Variants in MRAP2 observed in about 807,000 individuals in gnomAD.
MRAP2 encodes melanocortin-2 receptor accessory protein 2.
Under a neutral mutation model 17.4 loss-of-function variants are expected in MRAP2, and 20 were observed. The observed-to-expected ratio is 1.15, with a 90% CI of 0.81 to 1.67. The LOEUF is 1.67. Among genes scored for constraint, MRAP2 ranks in the 40% most tolerant of loss-of-function variants. The pLI, the probability that MRAP2 is intolerant of heterozygous loss-of-function variation, is 0.00. For synonymous variants in MRAP2, 96 were observed against 88.4 expected, an observed-to-expected ratio of 1.09 and a Z score of -0.48; for missense variants, 238 against 240.0, an observed-to-expected ratio of 0.99 and a Z score of 0.05.
intron 1 of MRAP2, among the ~76,000 whole-genome samples, chr6:84,050,873 G>C (rs1481545726): frequency 6.6e-6 from 1 of 152,212 alleles, no homozygotes; most frequent in Non-Finnish European, 1.5e-5. Flanking sequence ...GTCTTCCCCT[G>C]TACAAACTGG....
intron 3 of MRAP2, among the ~76,000 whole-genome samples, chr6:84,075,894 T>C (rs574860792): frequency 5.6e-4 from 85 of 152,312 alleles, no homozygotes; most frequent in African/African-American, 1.9e-3. Flanking sequence ...GAAATGTCAT[T>C]GTTCAAAAGT....
chr6:84,077,545 A>G (rs140009503), intron 3 of MRAP2, among the ~76,000 whole-genome samples: 33 of 152,320 alleles, frequency 2.2e-4, no homozygotes, highest in African/African-American at 6.3e-4. Flanking sequence ...CATGATCTAC[A>G]TCTCCATATA....
chr6:84,062,545 T>C (rs1332380204), intron 2 of MRAP2: 1 of 985,194 alleles, frequency 1.0e-6, no homozygotes, highest in Non-Finnish European at 1.2e-6. Context: ...AAAACTTGAG[T>C]TGATAGTCTG....
At chr6:84,043,000 G>T (rs2099488045) in intron 1 of MRAP2, among the ~76,000 whole-genome samples, 1 of 152,212 alleles carries the variant, frequency 6.6e-6, no homozygotes, top group Non-Finnish European at 1.5e-5. Flanking sequence ...GTGTGATATG[G>T]TGTGTGCTGT....
chr6:84,092,420 A>G (rs2099501918), downstream of MRAP2, among the ~76,000 whole-genome samples: 1 of 152,182 alleles, frequency 6.6e-6, no homozygotes, highest in Non-Finnish European at 1.5e-5. Flanking sequence ...TATAGAATCA[A>G]TTCAAAGTCA....
chr6:84,140,161 CACAAGTG>C, the MRAP2 span, among the ~76,000 whole-genome samples: 1 of 152,254 alleles, frequency 6.6e-6, no homozygotes, highest in African/African-American at 2.4e-5. Context: ...GAACCCAAGA[CACAAGTG>C]ACAAGTGGTG....
intron 3 of MRAP2, among the ~76,000 whole-genome samples, chr6:84,078,259 C>T (rs187936725): frequency 1.6e-3 from 241 of 152,136 alleles, no homozygotes; most frequent in African/African-American, 5.3e-3. Context: ...ACTCATATTC[C>T]GCATATATTA....
chr6:84,042,691 C>T (rs2099487922), intron 1 of MRAP2, among the ~76,000 whole-genome samples: 1 of 152,186 alleles, frequency 6.6e-6, no homozygotes, highest in Admixed American at 6.5e-5. Context: ...CTTGAGCCTG[C>T]ACTGCCCTTG....
intron 3 of MRAP2, among the ~76,000 whole-genome samples, chr6:84,065,511 A>G (rs560008218): frequency 1.3e-5 from 2 of 152,292 alleles, no homozygotes; most frequent in African/African-American, 4.8e-5. Flanking sequence ...AGGGTTAAGA[A>G]AAGCCTAGAA....
chr6:84,099,455 C>T, the MRAP2 span, among the ~76,000 whole-genome samples: 1 of 152,112 alleles, frequency 6.6e-6, no homozygotes, highest in Admixed American at 6.6e-5. Context: ...CTCCAAATCT[C>T]ATGTTTAAAT....
chr6:84,056,272 A>G (rs1396348226), intron 2 of MRAP2, among the ~76,000 whole-genome samples: 1 of 152,234 alleles, frequency 6.6e-6, no homozygotes, highest in Non-Finnish European at 1.5e-5. Flanking sequence ...AGGGCTTAGA[A>G]TCAGAGAAAC....
chr6:84,119,194 C>CT, the MRAP2 span, among the ~76,000 whole-genome samples: 5 of 151,798 alleles, frequency 3.3e-5, no homozygotes, highest in South Asian at 4.2e-4. Flanking sequence ...ACTTTTAGGA[C>CT]TTTTTTTTCT....
the MRAP2 span, among the ~76,000 whole-genome samples, chr6:84,097,613 C>T: frequency 6.6e-6 from 1 of 152,096 alleles, no homozygotes; most frequent in East Asian, 1.9e-4. Flanking sequence ...TTTTGTCCAT[C>T]ATTTCCTCTA....
intron 1 of MRAP2, among the ~76,000 whole-genome samples, chr6:84,047,812 A>G (rs766348925): frequency 9.9e-5 from 15 of 152,238 alleles, no homozygotes; most frequent in African/African-American, 1.9e-4. Context: ...CACCAACCCA[A>G]TACTTGCTGT....
At chr6:84,145,018 T>C in the MRAP2 span, among the ~76,000 whole-genome samples, 12 of 152,158 alleles carry the variant, frequency 7.9e-5, no homozygotes, top group South Asian at 2.1e-4. Context: ...AAGGCTTTGA[T>C]TGGAATGTCA....
At chr6:84,078,691 G>A (rs888021223) in intron 3 of MRAP2, among the ~76,000 whole-genome samples, 2 of 152,134 alleles carry the variant, frequency 1.3e-5, no homozygotes, top group African/African-American at 4.8e-5. Context: ...AGCTCTCTTG[G>A]GAATGGATTA....
At chr6:84,064,864 C>T (rs529019322) in intron 3 of MRAP2, among the ~76,000 whole-genome samples, 5 of 152,308 alleles carry the variant, frequency 3.3e-5, no homozygotes, top group South Asian at 4.1e-4. Flanking sequence ...GGTTGTGTCT[C>T]GTCACAGCCT....
At chr6:84,140,280 G>C in the MRAP2 span, among the ~76,000 whole-genome samples, 1,496 of 152,088 alleles carry the variant, frequency 9.8e-3, 17 homozygotes, top group Non-Finnish European at 0.014. Context: ...GTTGATACTG[G>C]GAGAGTCCTA....
intron 1 of MRAP2, among the ~76,000 whole-genome samples, chr6:84,043,741 G>A (rs2099488261): frequency 6.6e-6 from 1 of 152,136 alleles, no homozygotes; most frequent in Non-Finnish European, 1.5e-5. Context: ...TGAAATACAA[G>A]CCTGAATTCT....
Sources: allele counts gnomAD v4.1 joint callset (sites outside exome capture counted in the v4.1 genomes callset), GRCh38; gene constraint gnomAD v4.1.1; transcripts MANE v1.5; gene names NCBI Gene and HGNC (gene_info 2026-07-23, HGNC 2026-07-21).